TBCD: variants seen among roughly 807,000 people sequenced by gnomAD.
TBCD encodes the protein tubulin folding cofactor D, also known as tubulin-specific chaperone D.
TBCD carries 105 observed loss-of-function variants against 169.3 expected under a neutral mutation model. The ratio of observed to expected loss-of-function variants is 0.62; its 90% CI spans 0.53 to 0.73. The LOEUF (loss-of-function observed/expected upper bound fraction) is 0.73. TBCD is among the 30% of genes least tolerant of loss of function. The pLI, the probability that TBCD is intolerant of heterozygous loss-of-function variation, is 0.00. For missense variants in TBCD, 1,444 were observed against 1,600.1 expected, an observed-to-expected ratio of 0.90 and a Z score of 1.66; for synonymous variants, 700 against 643.9, an observed-to-expected ratio of 1.09 and a Z score of -1.32.
At chr17:82,870,172 G>T in intron 13 of TBCD, 52 bp from the exon 14 acceptor site, 5 of 1,608,644 alleles carry the variant, frequency 3.1e-6, no homozygotes, top group Admixed American at 1.7e-5. Context: ...GAAGCCTCAC[G>T]TGTTGCCCGT....
At chr17:82,819,874 C>T (rs926148006) in intron 13 of TBCD, among the ~76,000 whole-genome samples, 1 of 152,200 alleles carries the variant, frequency 6.6e-6, no homozygotes, top group Non-Finnish European at 1.5e-5. Context: ...GGTGGGCACT[C>T]CTCACCATGA....
Position 82,915,781 on chromosome 17 carries a change from G to A in TBCD, c.2038+3992G>A, listed in dbSNP as rs140251433. 8.5e-5 allele frequency among the ~76,000 whole-genome samples: 13 copies of A among 152,290 alleles called. No homozygotes were observed. Among genetic ancestry groups the A allele is most frequent in the African/African-American group, 2.9e-4 (12 of 41,564 alleles). ...AAAGTTCTCCTCTCATGCCGAAGACGGGAGGGAAACCAGAGGGACTGGTGA... is the reference window on the plus strand; with the variant it reads ...AAAGTTCTCCTCTCATGCCGAAGACAGGAGGGAAACCAGAGGGACTGGTGA... On this transcript the variant is annotated intron_variant, in intron 23 of 38. Transcript: ENST00000355528. This position sits in a 1 kb window ranked among gnomAD's most constrained non-coding sequence, Gnocchi z 4.3.
intron 9 of TBCD, among the ~76,000 whole-genome samples, chr17:82,801,590 C>A (rs551408339): frequency 1.1e-5 from 1 of 94,744 alleles, no homozygotes; most frequent in Non-Finnish European, 2.0e-5. Context: ...GCTCGGTCAG[C>A]GTGGCAGGAG....
At chr17:82,813,159 C>T (rs1018858747) in intron 12 of TBCD, among the ~76,000 whole-genome samples, 5 of 152,110 alleles carry the variant, frequency 3.3e-5, no homozygotes, top group Admixed American at 6.6e-5. Context: ...TAATGGCTTA[C>T]TTGTCACACT....
chr17:82,775,122 G>A (rs947132382), intron 6 of TBCD, among the ~76,000 whole-genome samples: 114 of 152,304 alleles, frequency 7.5e-4, no homozygotes, highest in African/African-American at 2.7e-3. Flanking sequence ...TCGGGATCCC[G>A]GGCGGACTCC....
chr17:82,826,231 T>TTA (rs970336962), intron 13 of TBCD, among the ~76,000 whole-genome samples: 8 of 151,992 alleles, frequency 5.3e-5, no homozygotes, highest in African/African-American at 1.9e-4. Flanking sequence ...ACCTTTTTTT[T>TTA]TTATTATTTT....
At chr17:82,895,802 T>C (rs4986130) in intron 17 of TBCD, 73,095 of 151,872 alleles carry the variant, frequency 0.48, 18,568 homozygotes, top group African/African-American at 0.65. Context: ...CGTGCTGACA[T>C]GGAGATGTTT....
Position 82,920,225 on chromosome 17 carries a change from C to G in TBCD, c.2039-331C>G, listed in dbSNP as rs564688176. Reference sequence around the variant, plus strand: ...TCTAGGAGCAGAAGCCGCTATGCTTCCCGTACAGCCTGTCACAGGGACGTC... The same window carrying G: ...TCTAGGAGCAGAAGCCGCTATGCTTGCCGTACAGCCTGTCACAGGGACGTC... On this transcript the variant is annotated intron_variant, in intron 23 of 38. Coordinates refer to ENST00000355528, the MANE Select transcript of TBCD (RefSeq NM_005993.5). This position sits in a 1 kb window ranked among gnomAD's most constrained non-coding sequence, Gnocchi z 4.1. 7.2e-5 allele frequency among the ~76,000 whole-genome samples: 11 copies of G among 152,362 alleles called. No homozygotes were observed. The South Asian group carries it at 2.1e-3, about 29-fold the overall frequency.
intron 2 of TBCD, among the ~76,000 whole-genome samples, chr17:82,758,400 A>AAAAAAAAAAAAAAAAAAAAAAT (rs1035939621): frequency 2.0e-4 from 20 of 100,046 alleles, no homozygotes; most frequent in East Asian, 6.3e-4. Flanking sequence ...AAAAAAAAAA[A>AAAAAAAAAAAAAAAAAAAAAAT]AAATAAATAA....
intron 13 of TBCD, among the ~76,000 whole-genome samples, chr17:82,821,244 A>G (rs945201888): frequency 1.3e-5 from 2 of 152,178 alleles, no homozygotes; most frequent in African/African-American, 2.4e-5. Flanking sequence ...GCCTGTTTTT[A>G]TAATTTCTGT....
chr17:82,795,778 G>A (rs2050059272), intron 7 of TBCD: 1 of 205,066 alleles, frequency 4.9e-6, no homozygotes, highest in Non-Finnish European at 8.6e-6. Context: ...AGAAGACCAC[G>A]TGGCAGGTGC....
intron 2 of TBCD, 57 bp from the exon 3 acceptor site, chr17:82,763,908 C>A: frequency 6.7e-7 from 1 of 1,487,404 alleles, no homozygotes; most frequent in Non-Finnish European, 9.3e-7. Context: ...CCTGGCCGGC[C>A]TCAATGTCAT....
At chr17:82,841,697 G>GT (rs1186605985) in intron 13 of TBCD, among the ~76,000 whole-genome samples, 3 of 152,160 alleles carry the variant, frequency 2.0e-5, no homozygotes, top group Non-Finnish European at 2.9e-5. Context: ...AACAAGCACC[G>GT]TTTTATTACG....
At chr17:82,863,148 GC>G (rs542317387) in intron 13 of TBCD, among the ~76,000 whole-genome samples, 87 of 152,322 alleles carry the variant, frequency 5.7e-4, no homozygotes, top group African/African-American at 2.0e-3. Context: ...TGGGAACCAG[GC>G]CTCCATGTGC....
At chr17:82,780,296 G>T (rs74000077) in intron 6 of TBCD, among the ~76,000 whole-genome samples, 1 of 151,424 alleles carries the variant, frequency 6.6e-6, no homozygotes, top group Non-Finnish European at 1.5e-5. Context: ...CGTTTCCTTC[G>T]TAACTTTTCT....
chr17:82,810,476 T>C (rs1001557576), intron 12 of TBCD, among the ~76,000 whole-genome samples: 2 of 152,210 alleles, frequency 1.3e-5, no homozygotes, highest in African/African-American at 4.8e-5. Context: ...CCACGTGTGC[T>C]GTGCCGCATT....
intron 13 of TBCD, among the ~76,000 whole-genome samples, chr17:82,869,279 T>A (rs1428229775): frequency 6.6e-6 from 1 of 152,204 alleles, no homozygotes; most frequent in Non-Finnish European, 1.5e-5. Flanking sequence ...CCCCATATAC[T>A]TACACCACGT....
intron 28 of TBCD, chr17:82,926,899 C>T: frequency 1.9e-6 from 1 of 527,312 alleles, no homozygotes; most frequent in South Asian, 2.2e-5. Flanking sequence ...CCCTTCTCTC[C>T]TATGCCAGCA....
chr17:82,814,667 C>T (rs910968313), intron 12 of TBCD, among the ~76,000 whole-genome samples, 173 bp from the exon 13 acceptor site: 13 of 152,234 alleles, frequency 8.5e-5, no homozygotes, highest in Non-Finnish European at 1.0e-4. Flanking sequence ...AGGCGTGAGC[C>T]GCTGTGCCCA....
Sources: allele counts gnomAD v4.1 joint callset (sites outside exome capture counted in the v4.1 genomes callset), GRCh38; gene constraint gnomAD v4.1.1; non-coding constraint Gnocchi (gnomAD v3.1); transcripts MANE v1.5; gene names NCBI Gene and HGNC (gene_info 2026-07-23, HGNC 2026-07-21).